The following NCKAP5 variants were observed in gnomAD, a reference collection of about 807,000 sequenced individuals.
NCKAP5 encodes nck-associated protein 5.
A neutral mutation model predicts 167.0 loss-of-function variants in NCKAP5; 92 were observed. The ratio of observed to expected loss-of-function variants is 0.55; its 90% confidence interval spans 0.47 to 0.66. The LOEUF (loss-of-function observed/expected upper bound fraction) is 0.66, where lower values mean the gene tolerates loss of function less well. NCKAP5 is among the 30% of genes least tolerant of loss of function. The pLI, the probability that NCKAP5 is intolerant of heterozygous loss-of-function variation, is 0.00. For synonymous variants in NCKAP5, 891 were observed against 877.4 expected, an observed-to-expected ratio of 1.02 and a Z score of -0.27; for missense variants, 2,378 against 2,315.0, an observed-to-expected ratio of 1.03 and a Z score of -0.56.
chr2:133,621,768 T>C, the NCKAP5 span, among the ~76,000 whole-genome samples: 1 of 152,052 alleles, frequency 6.6e-6, no homozygotes, highest in Non-Finnish European at 1.5e-5. Flanking sequence ...GAGAGAATCC[T>C]CCCTAAATCA....
intron 12 of NCKAP5, among the ~76,000 whole-genome samples, chr2:132,791,524 C>T (rs768105433): frequency 1.6e-4 from 25 of 152,220 alleles, no homozygotes; most frequent in Non-Finnish European, 3.4e-4. Context: ...AATTAATTTA[C>T]ATCCCAACCA....
chr2:133,202,111 C>G (rs1368210864), intron 5 of NCKAP5, among the ~76,000 whole-genome samples: 1 of 152,136 alleles, frequency 6.6e-6, no homozygotes, highest in Non-Finnish European at 1.5e-5. Context: ...AAGCTGGAGG[C>G]ATCATGCTAC....
At chr2:133,364,295 T>C (rs1685312580) in intron 3 of NCKAP5, among the ~76,000 whole-genome samples, 1 of 152,222 alleles carries the variant, frequency 6.6e-6, no homozygotes, top group Admixed American at 6.5e-5. Flanking sequence ...AAATGTAATG[T>C]CTTATTGAAA....
intron 5 of NCKAP5, among the ~76,000 whole-genome samples, chr2:133,181,237 G>A (rs1429456145): frequency 6.6e-6 from 1 of 151,958 alleles, no homozygotes; most frequent in African/African-American, 2.4e-5. Context: ...TACTTTACTT[G>A]AACTGGTAAA....
chr2:132,798,220 A>C (rs1684754238), intron 11 of NCKAP5, among the ~76,000 whole-genome samples: 1 of 152,162 alleles, frequency 6.6e-6, no homozygotes, highest in African/African-American at 2.4e-5. Flanking sequence ...CAAGCTCTAG[A>C]ATCTGACTTT....
At chr2:133,306,553 A>G (rs1289281757) in intron 3 of NCKAP5, among the ~76,000 whole-genome samples, 1 of 152,232 alleles carries the variant, frequency 6.6e-6, no homozygotes, top group Non-Finnish European at 1.5e-5. Context: ...ATGAAAAGAC[A>G]GCAGAATTAG....
chr2:132,724,333 G>T (rs1185463837), intron 19 of NCKAP5, among the ~76,000 whole-genome samples: 1 of 152,140 alleles, frequency 6.6e-6, no homozygotes, highest in Non-Finnish European at 1.5e-5. Context: ...ATCTGGAAGG[G>T]ATCTTTGTCC....
chr2:132,887,319 TTATCTATC>T (rs142083213), intron 8 of NCKAP5, among the ~76,000 whole-genome samples: 7 of 140,786 alleles, frequency 5.0e-5, no homozygotes, highest in South Asian at 2.3e-4. Context: ...AACTTTTATT[TTATCTATC>T]TATCTATCTA....
intron 6 of NCKAP5, among the ~76,000 whole-genome samples, chr2:133,071,147 C>T (rs1387627503): frequency 3.3e-5 from 5 of 152,268 alleles, no homozygotes; most frequent in Admixed American, 3.3e-4. Flanking sequence ...AGACCAATCA[C>T]ATTCACAGGG....
intron 6 of NCKAP5, among the ~76,000 whole-genome samples, chr2:133,031,603 G>C (rs2078882612): frequency 6.6e-6 from 1 of 151,578 alleles, no homozygotes; most frequent in Non-Finnish European, 1.5e-5. Context: ...CGGGTGGGTG[G>C]GGCATGTGAC....
chr2:133,517,566 C>A lies in NCKAP5; in HGVS notation c.-40G>T. ...ATTTTCTTTTGTGACTTATAAGAATCCCCCGTCTGTTTCCAGGGTCACTGA... is the reference window on the plus strand; with the variant it reads ...ATTTTCTTTTGTGACTTATAAGAATACCCCGTCTGTTTCCAGGGTCACTGA... On this transcript the variant is annotated 5_prime_UTR_variant, in exon 3 of 20. Coordinates refer to ENST00000409261, the MANE Select transcript of NCKAP5 (RefSeq NM_207363.3). The A allele has an allele frequency of 7.4e-7, 1 of 1,352,456 alleles. No homozygotes were observed. 83.8% of individuals were successfully genotyped at this position (1,352,456 alleles called of 1,614,324 possible).
intron 5 of NCKAP5, among the ~76,000 whole-genome samples, chr2:133,199,582 C>G (rs4368385): frequency 0.51 from 77,023 of 151,702 alleles, 19,848 homozygotes; most frequent in African/African-American, 0.54. Flanking sequence ...ATGTTAACAA[C>G]AATATCAATC....
At chr2:132,860,302 C>G (rs1170768187) in intron 11 of NCKAP5, among the ~76,000 whole-genome samples, 190 bp downstream of exon 11, 1 of 152,148 alleles carries the variant, frequency 6.6e-6, no homozygotes, top group Non-Finnish European at 1.5e-5. Context: ...ATTTCCTTAT[C>G]TGCATGTAGC....
intron 7 of NCKAP5, among the ~76,000 whole-genome samples, chr2:132,978,556 T>C (rs903629346): frequency 1.6e-4 from 24 of 152,094 alleles, no homozygotes; most frequent in Non-Finnish European, 3.2e-4. Flanking sequence ...TTACCTGTCT[T>C]GTCTTCTATT....
At chr2:132,819,270 G>A (rs190875719) in intron 11 of NCKAP5, among the ~76,000 whole-genome samples, 1 of 152,234 alleles carries the variant, frequency 6.6e-6, no homozygotes, top group Admixed American at 6.5e-5. Context: ...TCTAGAACCT[G>A]GAGTCACTGG....
the NCKAP5 span, among the ~76,000 whole-genome samples, chr2:133,625,069 T>C: frequency 2.6e-5 from 4 of 152,348 alleles, no homozygotes; most frequent in South Asian, 6.2e-4. Context: ...AAACAACTCT[T>C]GAAACTTTTC....
At chr2:133,145,930 C>T (rs557501330) in intron 5 of NCKAP5, among the ~76,000 whole-genome samples, 2 of 152,178 alleles carry the variant, frequency 1.3e-5, no homozygotes, top group African/African-American at 4.8e-5. Context: ...AATCATTCCA[C>T]TGTAACAAGA....
chr2:133,398,463 T>C (rs1420583425), intron 3 of NCKAP5, among the ~76,000 whole-genome samples: 1 of 152,176 alleles, frequency 6.6e-6, no homozygotes, highest in African/African-American at 2.4e-5. Context: ...TGCATTTTAA[T>C]ACTTCAAAAG....
At chr2:133,077,846 A>G (rs2080663955) in intron 6 of NCKAP5, among the ~76,000 whole-genome samples, 1 of 152,174 alleles carries the variant, frequency 6.6e-6, no homozygotes, top group Non-Finnish European at 1.5e-5. Context: ...TGACTTGTCC[A>G]AGACTCAGAA....
Sources: allele counts gnomAD v4.1 joint callset (sites outside exome capture counted in the v4.1 genomes callset), GRCh38; gene constraint gnomAD v4.1.1; transcripts MANE v1.5; gene names NCBI Gene and HGNC (gene_info 2026-07-23, HGNC 2026-07-21).